The following MTTP variants were observed in gnomAD, a reference collection of about 807,000 sequenced individuals.
The protein encoded by MTTP is microsomal triglyceride transfer protein, also known as microsomal triglyceride transfer protein large subunit.
Under a neutral mutation model 90.6 loss-of-function variants are expected in MTTP, and 49 were observed. The ratio of observed to expected loss-of-function variants is 0.54; its 90% CI spans 0.43 to 0.69. The LOEUF (loss-of-function observed/expected upper bound fraction) is 0.69, where lower values mean the gene tolerates loss of function less well. Ranked by LOEUF, MTTP falls within the 30% of genes least tolerant of loss-of-function variation. The pLI is 0.00. For missense variants in MTTP, 945 were observed against 1,067.5 expected, an observed-to-expected ratio of 0.89 and a Z score of 1.60; for synonymous variants, 347 against 384.2, an observed-to-expected ratio of 0.90 and a Z score of 1.13.
At chr4:99,609,674 A>G (rs1312147040) in intron 12 of MTTP, among the ~76,000 whole-genome samples, 1 of 152,026 alleles carries the variant, frequency 6.6e-6, no homozygotes, top group African/African-American at 2.4e-5. Context: ...GTGGAAAATA[A>G]AGGGAAAGAA....
intron 15 of MTTP, among the ~76,000 whole-genome samples, chr4:99,616,564 G>A (rs1015661551): frequency 6.6e-5 from 10 of 152,124 alleles, no homozygotes; most frequent in African/African-American, 1.9e-4. Flanking sequence ...GCTTTGTAGA[G>A]CTTTGGGCAC....
At position 99,622,747 on chromosome 4, in the gene MTTP, G is replaced by A. The variant is rs760443132; in HGVS notation, c.2584G>A (p.Val862Ile). 32 of 1,613,938 alleles carry A rather than the reference G, an allele frequency of 2.0e-5. No homozygotes were observed. The highest frequency in any genetic ancestry group is 8.9e-5 in the East Asian group (4 of 44,880). The change falls in exon 18 of 18, where the codon GTA becomes ATA. Residue 862 changes from valine to isoleucine, a missense_variant. Transcript: ENST00000265517. ...GYVSQKRKES[V>I]LAGCEFPLHQ... ...TGTCTCTCAGAAAAGAAAAGAAAGC[G>A]TATTAGCAGGATGTGAATTCCCGCT...
Position 99,622,954 on chromosome 4 carries a change from T to C in MTTP, c.*106T>C. On this transcript the variant is annotated 3_prime_UTR_variant, in exon 18 of 18. Coordinates refer to ENST00000265517, the MANE Select transcript of MTTP (RefSeq NM_001386140.1). ...AGCACAGCGTTTACATATTTACCTG[T>C]ATTTAAGATTTTTGTAAAAAGCTAC... The C allele has an allele frequency of 7.3e-7, 1 of 1,361,382 alleles. No individual in the cohort carries two copies. Among genetic ancestry groups the C allele is most frequent in the East Asian group, 2.3e-5 (1 of 43,616 alleles). The allele number at this position is 1,361,382 out of a possible 1,614,324, so 84.3% of individuals were successfully genotyped here. A position where few individuals can be genotyped will look rare whatever the true frequency, so the allele number is the denominator to read the frequency against.
At chr4:99,594,924 T>C (rs779811102) in intron 7 of MTTP, 41 bp downstream of exon 7, 47 of 1,607,934 alleles carry the variant, frequency 2.9e-5, no homozygotes, top group Non-Finnish European at 3.3e-5. Flanking sequence ...GACATCAGAC[T>C]CTGTTTTCAT....
chr4:99,577,605 C>CAAAAAAAAA (rs10605949), intron 1 of MTTP, among the ~76,000 whole-genome samples: 41 of 101,228 alleles, frequency 4.1e-4, no homozygotes, highest in African/African-American at 5.7e-4. Context: ...AACTCTGTTT[C>CAAAAAAAAA]AAAAAAAAAA....
chr4:99,599,873 A>G (rs1287013482), intron 8 of MTTP, among the ~76,000 whole-genome samples: 1 of 152,160 alleles, frequency 6.6e-6, no homozygotes, highest in Non-Finnish European at 1.5e-5. Context: ...TAGGGGTAGT[A>G]TGTAATATTT....
intron 3 of MTTP, 106 bp from the exon 4 acceptor site, chr4:99,589,537 C>T (rs1578239676): frequency 4.1e-6 from 3 of 727,034 alleles, no homozygotes; most frequent in Non-Finnish European, 4.9e-6. Context: ...ATCTCTTTCT[C>T]CCAGGATTAA....
intron 6 of MTTP, among the ~76,000 whole-genome samples, chr4:99,594,229 T>C (rs1725496197): frequency 6.6e-6 from 1 of 152,166 alleles, no homozygotes; most frequent in Non-Finnish European, 1.5e-5. Context: ...TCTCCTCTAT[T>C]AGTTGAGGCA....
rs1725699809 is a variant in MTTP at position 99,601,594 on chromosome 4, G to A, written c.1237-13G>A. The stretch of plus-strand genomic sequence containing the variant: ...TGTCTTGGTAACCTATTTTATCCCT[G>A]TTTGGTTAATAGAGTAAGTTCAAAG... On this transcript the variant is annotated splice_polypyrimidine_tract_variant and intron_variant, in intron 9 of 17. Transcript: ENST00000265517. 22 of 1,575,686 alleles carry A rather than the reference G, an allele frequency of 1.4e-5. No individual in the cohort carries two copies. Among genetic ancestry groups the A allele is most frequent in the Middle Eastern group, 3.3e-4 (2 of 5,980 alleles).
intron 2 of MTTP, 149 bp from the exon 3 acceptor site, chr4:99,583,225 T>C: frequency 1.1e-6 from 1 of 876,114 alleles, no homozygotes; most frequent in Non-Finnish European, 1.8e-6. Flanking sequence ...TTAAAGTGAG[T>C]GGCAAGGTCC....
At chr4:99,580,610 C>G (rs201091294) in intron 1 of MTTP, among the ~76,000 whole-genome samples, 1 of 124,654 alleles carries the variant, frequency 8.0e-6, no homozygotes, top group Non-Finnish European at 1.7e-5. Flanking sequence ...AGAATCATGT[C>G]TCTATGATGA....
chr4:99,621,194 G>A lies in MTTP; in HGVS notation c.2476G>A (p.Val826Ile). Residue 826 changes from valine to isoleucine, a missense_variant, in exon 17 of 18, where the codon GTT becomes ATT. By Grantham distance (29) the Val-to-Ile change is conservative. Transcript: ENST00000265517. Reference sequence around the variant, plus strand: ...GCAGTTTTCTCAGTACCCATTCTTAGTTTGCATGCAGATGGACAAGGATGA... The same window carrying A: ...GCAGTTTTCTCAGTACCCATTCTTAATTTGCATGCAGATGGACAAGGATGA... Reference protein sequence around the residue: ...TVQFSQYPFLVCMQMDKDEAP... With the variant: ...TVQFSQYPFLICMQMDKDEAP... The A allele has an allele frequency of 3.7e-6, 6 of 1,614,020 alleles. No homozygotes were observed. In the South Asian group the frequency reaches 5.5e-5, roughly 15 times the overall value.
chr4:99,608,902 G>C lies in MTTP; in HGVS notation c.1694G>C (p.Gly565Ala). 1 of 1,614,064 alleles carries C rather than the reference G, an allele frequency of 6.2e-7. No individual in the cohort carries two copies. The highest frequency in any genetic ancestry group is 8.5e-7 in the Non-Finnish European group (1 of 1,180,002). ...GTCAAGAACATCCTGCTGTCTATTG[G>C]GGAGCTTCCCCAAGAAATGAATAAA... ...MDVKNILLSIGELPQEMNKYM... is the reference protein window; with the variant it reads ...MDVKNILLSIAELPQEMNKYM... The change falls in exon 12 of 18, where the codon GGG (glycine) becomes GCG (alanine). Residue 565 changes from glycine to alanine, a missense_variant. By Grantham distance (60) the Gly-to-Ala change is moderately conservative (BLOSUM62 0). Transcript: ENST00000265517.
upstream of MTTP, chr4:99,570,909 C>T (rs1345133425): frequency 2.7e-6 from 1 of 375,880 alleles, no homozygotes; most frequent in Non-Finnish European, 5.2e-6. Context: ...AAGGGATACA[C>T]CTGCCAATAC....
chr4:99,612,177 C>A (rs1725973656), intron 14 of MTTP, among the ~76,000 whole-genome samples: 2 of 152,012 alleles, frequency 1.3e-5, no homozygotes, highest in South Asian at 4.1e-4. Context: ...TATTACTATA[C>A]CTTTTGGTAG....
chr4:99,611,577 T>C (rs1725958429), intron 14 of MTTP, 124 bp downstream of exon 14: 2 of 1,365,888 alleles, frequency 1.5e-6, no homozygotes, highest in East Asian at 4.7e-5. Context: ...TTCTGTCATA[T>C]TTTGCCCATG....
At chr4:99,603,795 G>C (rs1725752158) in intron 10 of MTTP, among the ~76,000 whole-genome samples, 1 of 152,104 alleles carries the variant, frequency 6.6e-6, no homozygotes, top group Middle Eastern at 3.2e-3. Flanking sequence ...AGAGAAGTTA[G>C]GGTCAGAAAT....
chr4:99,620,977 C>A, intron 16 of MTTP, 84 bp from the exon 17 acceptor site: 1 of 1,314,702 alleles, frequency 7.6e-7, no homozygotes, highest in South Asian at 1.2e-5. Flanking sequence ...ATCATACGTT[C>A]AGACCCTGTA....
At chr4:99,592,755 C>A (rs953227252) in intron 6 of MTTP, among the ~76,000 whole-genome samples, 1 of 152,092 alleles carries the variant, frequency 6.6e-6, no homozygotes, top group African/African-American at 2.4e-5. Flanking sequence ...TCCTGAAGAA[C>A]CTGCCTGAGG....
Sources: allele counts gnomAD v4.1 joint callset (sites outside exome capture counted in the v4.1 genomes callset), GRCh38; gene constraint gnomAD v4.1.1; transcripts MANE v1.5; gene names NCBI Gene and HGNC (gene_info 2026-07-23, HGNC 2026-07-21).